The following TLL1 variants were observed in gnomAD, a reference collection of about 807,000 sequenced individuals.
The protein encoded by TLL1 is tolloid-like protein 1.
A neutral mutation model predicts 128.2 loss-of-function variants in TLL1; 49 were observed. The ratio of observed to expected loss-of-function variants is 0.38; its 90% CI spans 0.30 to 0.48. The LOEUF is 0.48. TLL1 is among the 20% of genes least tolerant of loss of function. The pLI is 0.96. For synonymous variants in TLL1, 454 were observed against 418.8 expected (o/e 1.08, Z -1.03); for missense variants, 1,123 against 1,242.0 (o/e 0.90, Z 1.44).
At chr4:166,020,528 C>T (rs376321819) in intron 8 of TLL1, among the ~76,000 whole-genome samples, 7 of 152,242 alleles carry the variant, frequency 4.6e-5, no homozygotes, top group Middle Eastern at 6.8e-3. Context: ...CAGATTTTCT[C>T]TCTTTTGGGG....
chr4:165,993,012 CT>C, intron 3 of TLL1, 128 bp downstream of exon 3: 1 of 812,700 alleles, frequency 1.2e-6, no homozygotes, highest in South Asian at 1.5e-5. Flanking sequence ...TATTCTAAAA[CT>C]TTTTATTTTG....
chr4:166,057,938 A>C lies in TLL1; in HGVS notation c.1846+629A>C, dbSNP rs930146397. 5.9e-5 allele frequency among the ~76,000 whole-genome samples: 9 copies of C among 152,256 alleles called. No individual in the cohort carries two copies. In the East Asian group the frequency reaches 1.7e-3, roughly 29 times the overall value. ...ATTTGGGTGGGGACACAGCCAAACC[A>C]TTTCACACATATATAAATAAATGTA... On this transcript the variant is annotated intron_variant, in intron 14 of 20. Transcript: ENST00000061240.
intron 7 of TLL1, among the ~76,000 whole-genome samples, chr4:166,008,818 C>T (rs560696075): frequency 3.4e-4 from 51 of 150,052 alleles, no homozygotes; most frequent in African/African-American, 1.1e-3. Flanking sequence ...TTTTTTTGCC[C>T]ACTTATGTCC....
At chr4:165,968,719 G>A (rs1156852283) in intron 1 of TLL1, among the ~76,000 whole-genome samples, 1 of 152,082 alleles carries the variant, frequency 6.6e-6, no homozygotes, top group South Asian at 2.1e-4. Flanking sequence ...AACTATTTCA[G>A]TCATAATGTT....
At chr4:166,014,408 G>A (rs1261623090) in intron 7 of TLL1, 28 bp from the exon 8 acceptor site, 1 of 1,611,256 alleles carries the variant, frequency 6.2e-7, no homozygotes, top group East Asian at 2.2e-5. Context: ...TGGTGACTTA[G>A]GTGTGGTTTG....
chr4:165,947,463 AG>A (rs1489597536), intron 1 of TLL1, among the ~76,000 whole-genome samples: 4 of 152,038 alleles, frequency 2.6e-5, no homozygotes, highest in Non-Finnish European at 5.9e-5. Flanking sequence ...AGATAAACTG[AG>A]GGGAAAAACT....
intron 1 of TLL1, among the ~76,000 whole-genome samples, chr4:165,887,050 A>T (rs1440356349): frequency 6.6e-6 from 1 of 152,228 alleles, no homozygotes; most frequent in African/African-American, 2.4e-5. Flanking sequence ...AGAGCAAAGG[A>T]TGTGTAAGAG....
chr4:166,071,993 A>C (rs929922023), intron 16 of TLL1, among the ~76,000 whole-genome samples: 1 of 151,992 alleles, frequency 6.6e-6, no homozygotes, highest in Non-Finnish European at 1.5e-5. Flanking sequence ...ATGATGTAAA[A>C]CATCTGGATT....
chr4:165,940,938 C>A (rs1026868479), intron 1 of TLL1, among the ~76,000 whole-genome samples: 1 of 151,988 alleles, frequency 6.6e-6, no homozygotes, highest in Non-Finnish European at 1.5e-5. Flanking sequence ...AAATGCCATA[C>A]ATTTGCTCAA....
At chr4:166,060,256 T>TAAAA in intron 15 of TLL1, 68 bp downstream of exon 15, 2 of 1,319,734 alleles carry the variant, frequency 1.5e-6, no homozygotes, top group Non-Finnish European at 2.1e-6. Context: ...ACTGTGAAAT[T>TAAAA]AAAAAAAAAA....
chr4:166,047,421 C>T (rs1739510795), intron 12 of TLL1, among the ~76,000 whole-genome samples: 2 of 150,978 alleles, frequency 1.3e-5, no homozygotes, highest in African/African-American at 4.9e-5. Context: ...TCCTTGGCCT[C>T]CCAAAGTGCT....
chr4:165,986,056 G>A (rs1229730653), intron 1 of TLL1, among the ~76,000 whole-genome samples: 1 of 151,538 alleles, frequency 6.6e-6, no homozygotes, highest in Non-Finnish European at 1.5e-5. Context: ...CTCAAATCAT[G>A]TATTAAATGG....
chr4:166,060,688 TC>T, intron 15 of TLL1, among the ~76,000 whole-genome samples: 1 of 152,300 alleles, frequency 6.6e-6, no homozygotes, highest in East Asian at 1.9e-4. Context: ...TTTAAAGCTA[TC>T]CTTTTTTAAT....
chr4:166,032,354 G>A (rs1252590123), intron 9 of TLL1, among the ~76,000 whole-genome samples: 5 of 152,034 alleles, frequency 3.3e-5, no homozygotes, highest in Non-Finnish European at 7.4e-5. Flanking sequence ...TTTTTCTAGA[G>A]TTTATCTTAA....
intron 1 of TLL1, among the ~76,000 whole-genome samples, chr4:165,894,108 T>C (rs1050597261): frequency 1.3e-5 from 2 of 152,104 alleles, no homozygotes; most frequent in African/African-American, 4.8e-5. Context: ...GGGGATAGAT[T>C]GGAGCAGGGG....
intron 8 of TLL1, among the ~76,000 whole-genome samples, chr4:166,015,625 G>T (rs1177598830): frequency 6.6e-6 from 1 of 151,924 alleles, no homozygotes; most frequent in African/African-American, 2.4e-5. Flanking sequence ...GTTGACATAT[G>T]GTATAGAACC....
At chr4:165,978,183 T>A (rs1449508413) in intron 1 of TLL1, among the ~76,000 whole-genome samples, 1 of 150,036 alleles carries the variant, frequency 6.7e-6, no homozygotes, top group Non-Finnish European at 1.5e-5. Context: ...CTGAAATCAT[T>A]TTTTTCCAAA....
chr4:165,984,197 A>G (rs1432286791), intron 1 of TLL1, among the ~76,000 whole-genome samples: 1 of 151,918 alleles, frequency 6.6e-6, no homozygotes, highest in Non-Finnish European at 1.5e-5. Flanking sequence ...TTCTGATTCT[A>G]TATAAAATAT....
chr4:165,994,777 A>G (rs1208201901), intron 4 of TLL1, among the ~76,000 whole-genome samples: 2 of 152,156 alleles, frequency 1.3e-5, no homozygotes, highest in Non-Finnish European at 2.9e-5. Context: ...TGTGCCTATT[A>G]AATTTGGAAG....
Sources: allele counts gnomAD v4.1 joint callset (sites outside exome capture counted in the v4.1 genomes callset), GRCh38; gene constraint gnomAD v4.1.1; transcripts MANE v1.5; gene names NCBI Gene and HGNC (gene_info 2026-07-23, HGNC 2026-07-21).